SORCS1: variants seen among roughly 807,000 people sequenced by gnomAD.
The protein encoded by SORCS1 is sortilin related VPS10 domain containing receptor 1.
In SORCS1, 60 loss-of-function variants were observed where a neutral mutation model predicts 146.1. The observed-to-expected ratio is 0.41, with a 90% CI of 0.33 to 0.51. SORCS1 has a LOEUF of 0.51. Among genes scored for constraint, SORCS1 ranks in the 20% least tolerant of loss-of-function variants. The pLI is 0.21. For missense variants in SORCS1, 1,352 were observed against 1,487.6 expected, an observed-to-expected ratio of 0.91 and a Z score of 1.50; for synonymous variants, 637 against 584.0, an observed-to-expected ratio of 1.09 and a Z score of -1.31.
At chr10:106,952,195 A>C (rs1341550547) in intron 2 of SORCS1, among the ~76,000 whole-genome samples, 1 of 152,148 alleles carries the variant, frequency 6.6e-6, no homozygotes, top group Non-Finnish European at 1.5e-5. Flanking sequence ...CCTCAGCTCT[A>C]GCACCCGGTT....
intron 18 of SORCS1, among the ~76,000 whole-genome samples, chr10:106,640,963 T>C (rs1589542255): frequency 6.6e-6 from 1 of 152,340 alleles, no homozygotes; most frequent in East Asian, 1.9e-4. Flanking sequence ...TAATGATGCA[T>C]AAATGCATTG....
chr10:106,901,885 T>C (rs1176831588), intron 2 of SORCS1, among the ~76,000 whole-genome samples: 1 of 151,916 alleles, frequency 6.6e-6, no homozygotes, highest in African/African-American at 2.4e-5. Context: ...TTATTAAATA[T>C]ACAAAAAAAT....
At chr10:107,006,191 C>T (rs1255559064) in intron 1 of SORCS1, among the ~76,000 whole-genome samples, 1 of 152,156 alleles carries the variant, frequency 6.6e-6, no homozygotes, top group Non-Finnish European at 1.5e-5. Flanking sequence ...CTAGGTCCTC[C>T]TGGTAGAACA....
At chr10:106,923,449 A>G (rs1033027768) in intron 2 of SORCS1, among the ~76,000 whole-genome samples, 5 of 152,234 alleles carry the variant, frequency 3.3e-5, no homozygotes, top group African/African-American at 1.2e-4. Flanking sequence ...TTGTGTGAAT[A>G]TATAAGTTTT....
chr10:106,933,330 G>A (rs542209928), intron 2 of SORCS1, among the ~76,000 whole-genome samples: 2 of 152,240 alleles, frequency 1.3e-5, no homozygotes, highest in South Asian at 4.2e-4. Context: ...TGATTCAATT[G>A]GTCTTGGGTG....
chr10:106,761,620 G>C lies in SORCS1; in HGVS notation c.927C>G (p.Ile309Met), dbSNP rs759918632. 3.0e-5 allele frequency: 48 copies of C among 1,614,024 alleles called. No homozygotes were observed. The highest frequency in any genetic ancestry group is 1.6e-4 in the Middle Eastern group (1 of 6,084). ...ACCTGTTTGGTACAACCCCTTCTTG[G>C]ATAAGCTGCCATCTTCTCCCAAATT... ...SAEFGRRWQL[I>M]QEGVVPNRFY... Residue 309 changes from isoleucine to methionine, a missense_variant, in exon 5 of 26, where the codon ATC becomes ATG. Coordinates refer to ENST00000263054, the MANE Select transcript of SORCS1 (RefSeq NM_052918.5).
chr10:106,763,235 G>A (rs1160477053), intron 4 of SORCS1, among the ~76,000 whole-genome samples: 1 of 152,086 alleles, frequency 6.6e-6, no homozygotes, highest in Admixed American at 6.5e-5. Flanking sequence ...TATACCAAAG[G>A]ATTGCTATTC....
chr10:106,740,794 T>C (rs1857308120), intron 5 of SORCS1, among the ~76,000 whole-genome samples: 1 of 152,140 alleles, frequency 6.6e-6, no homozygotes, highest in Admixed American at 6.5e-5. Context: ...AATTCATACA[T>C]GACACAAATT....
At chr10:107,166,537 A>G (rs910101360), upstream of SORCS1, among the ~76,000 whole-genome samples, 2 of 152,234 alleles carry the variant, frequency 1.3e-5, no homozygotes, top group Non-Finnish European at 1.5e-5. Flanking sequence ...GAATCCTCCA[A>G]AACAGAAAGG....
intron 5 of SORCS1, among the ~76,000 whole-genome samples, chr10:106,758,355 C>T (rs1470724732): frequency 6.6e-6 from 1 of 152,140 alleles, no homozygotes; most frequent in Non-Finnish European, 1.5e-5. Context: ...TTTCTCTTGC[C>T]CATCCTTTCA....
intron 1 of SORCS1, among the ~76,000 whole-genome samples, chr10:106,971,549 A>G (rs59822537): frequency 0.05 from 7,681 of 152,330 alleles, 614 homozygotes; most frequent in African/African-American, 0.17. Context: ...AAATACTTTG[A>G]ATTTCCTCTT....
intron 1 of SORCS1, among the ~76,000 whole-genome samples, chr10:106,991,049 C>T (rs1956750173): frequency 6.6e-6 from 1 of 152,160 alleles, no homozygotes; most frequent in African/African-American, 2.4e-5. Context: ...CACTTTTTCA[C>T]CTGTTCAGTA....
intron 1 of SORCS1, among the ~76,000 whole-genome samples, chr10:107,153,498 G>T (rs535111705): frequency 6.6e-6 from 1 of 152,148 alleles, no homozygotes; most frequent in Non-Finnish European, 1.5e-5. Context: ...TATATAGTCA[G>T]GTTGGTGAAA....
chr10:106,970,931 G>A (rs1259863897), intron 1 of SORCS1, among the ~76,000 whole-genome samples: 2 of 112,824 alleles, frequency 1.8e-5, no homozygotes, highest in Admixed American at 2.0e-4. Context: ...TTTTTTTTCA[G>A]TAGAGATGGG....
chr10:106,698,614 T>C (rs1419284490), intron 9 of SORCS1, among the ~76,000 whole-genome samples: 1 of 152,194 alleles, frequency 6.6e-6, no homozygotes, highest in Non-Finnish European at 1.5e-5. Flanking sequence ...CTTGGCCATT[T>C]TGAGAAATAA....
intron 7 of SORCS1, among the ~76,000 whole-genome samples, chr10:106,708,467 AC>A (rs1212760556): frequency 1.3e-5 from 2 of 152,194 alleles, no homozygotes; most frequent in African/African-American, 4.8e-5. Flanking sequence ...TAGTAATTGT[AC>A]CTTTGTCATT....
Position 106,789,893 on chromosome 10 carries a change from C to T in SORCS1, c.727-13201G>A, listed in dbSNP as rs141552434. Reference sequence around the variant, plus strand: ...CACAGTTCTGCGTGGCTGGGGAGGCCACAGGAAACTGACAATCATGGCAGA... The same window carrying T: ...CACAGTTCTGCGTGGCTGGGGAGGCTACAGGAAACTGACAATCATGGCAGA... On this transcript the variant is annotated intron_variant, in intron 3 of 25. Coordinates refer to ENST00000263054, the MANE Select transcript of SORCS1 (RefSeq NM_052918.5). Among the ~76,000 whole-genome samples, 807 of 152,264 alleles carry T rather than the reference C, an allele frequency of 5.3e-3. 10 individuals carry two copies. The Middle Eastern group carries it at 0.078, about 15-fold the overall frequency.
At chr10:106,887,196 A>T (rs1050339795) in intron 2 of SORCS1, among the ~76,000 whole-genome samples, 8 of 152,244 alleles carry the variant, frequency 5.3e-5, no homozygotes, top group Admixed American at 2.6e-4. Flanking sequence ...CAATACATGT[A>T]ATAACATTCA....
intron 3 of SORCS1, among the ~76,000 whole-genome samples, chr10:106,803,491 T>C (rs1315472831): frequency 6.6e-6 from 1 of 152,164 alleles, no homozygotes; most frequent in Non-Finnish European, 1.5e-5. Flanking sequence ...ACTTTGTACA[T>C]TTGAGTGATT....
Sources: allele counts gnomAD v4.1 joint callset (sites outside exome capture counted in the v4.1 genomes callset), GRCh38; gene constraint gnomAD v4.1.1; transcripts MANE v1.5; gene names NCBI Gene and HGNC (gene_info 2026-07-23, HGNC 2026-07-21).